ASTN2: variants seen among roughly 807,000 people sequenced by gnomAD.
ASTN2 encodes the protein astrotactin 2.
In ASTN2, 54 loss-of-function variants were observed where a neutral mutation model predicts 139.8. That is an observed-to-expected ratio of 0.39 (90% CI 0.31 to 0.48). The LOEUF (loss-of-function observed/expected upper bound fraction) is 0.48. Ranked by LOEUF, ASTN2 falls within the 20% of genes least tolerant of loss-of-function variation. The pLI is 0.95. For missense variants in ASTN2, 1,565 were observed against 1,725.1 expected, an observed-to-expected ratio of 0.91 and a Z score of 1.64; for synonymous variants, 756 against 719.5, an observed-to-expected ratio of 1.05 and a Z score of -0.81.
At chr9:116,495,761 C>T (rs1019331145) in intron 19 of ASTN2, among the ~76,000 whole-genome samples, 2 of 152,150 alleles carry the variant, frequency 1.3e-5, no homozygotes, top group Non-Finnish European at 2.9e-5. Flanking sequence ...CTGTCAGACT[C>T]CAAAACCCGA....
intron 10 of ASTN2, among the ~76,000 whole-genome samples, chr9:116,907,864 G>A (rs192678907): frequency 4.6e-5 from 7 of 152,284 alleles, no homozygotes; most frequent in African/African-American, 1.7e-4. Context: ...ATTCCCCCTA[G>A]TAAGATGCTG....
At chr9:116,494,396 C>T (rs1302248411) in intron 19 of ASTN2, among the ~76,000 whole-genome samples, 1 of 152,168 alleles carries the variant, frequency 6.6e-6, no homozygotes, top group East Asian at 1.9e-4. Context: ...CCCCTCACCC[C>T]TGCTCCCTCA....
intron 19 of ASTN2, among the ~76,000 whole-genome samples, chr9:116,595,165 C>G (rs908255079): frequency 7.9e-5 from 12 of 152,170 alleles, no homozygotes; most frequent in African/African-American, 2.9e-4. Flanking sequence ...ATTTTCAGAA[C>G]AATTTTGATG....
At chr9:117,059,901 T>C in intron 5 of ASTN2, among the ~76,000 whole-genome samples, 1 of 152,172 alleles carries the variant, frequency 6.6e-6, no homozygotes, top group Admixed American at 6.5e-5. Context: ...GCATCCTGGT[T>C]TATCTTTGGG....
chr9:117,017,479 T>C (rs1179742187), intron 6 of ASTN2, among the ~76,000 whole-genome samples: 1 of 152,170 alleles, frequency 6.6e-6, no homozygotes, highest in Admixed American at 6.5e-5. Context: ...GAAACTTTGA[T>C]AGGAGTCTAA....
At chr9:117,293,447 G>A (rs111358965) in intron 1 of ASTN2, among the ~76,000 whole-genome samples, 47 of 63,726 alleles carry the variant, frequency 7.4e-4, no homozygotes, top group Middle Eastern at 0.018. Context: ...AACATAGTAA[G>A]TTATTAGGCC....
chr9:116,938,044 C>T (rs931755563), intron 10 of ASTN2, among the ~76,000 whole-genome samples: 18 of 152,140 alleles, frequency 1.2e-4, no homozygotes, highest in African/African-American at 3.9e-4. Context: ...GAAACAAGCA[C>T]GCGAGGTTTA....
intron 1 of ASTN2, among the ~76,000 whole-genome samples, chr9:117,411,393 A>G (rs1001518565): frequency 1.4e-5 from 2 of 147,902 alleles, no homozygotes; most frequent in African/African-American, 5.0e-5. Flanking sequence ...CATTTACTTA[A>G]GGCAGGCTGA....
At chr9:117,222,270 T>C (rs763811934) in intron 2 of ASTN2, among the ~76,000 whole-genome samples, 2 of 152,188 alleles carry the variant, frequency 1.3e-5, no homozygotes, top group Non-Finnish European at 2.9e-5. Context: ...GTCTCGAACG[T>C]ATGCTTTTGA....
intron 20 of ASTN2, among the ~76,000 whole-genome samples, chr9:116,462,851 G>A (rs1036264644): frequency 2.7e-5 from 4 of 148,946 alleles, no homozygotes; most frequent in African/African-American, 9.9e-5. Context: ...TATACAATTT[G>A]CATATGGCAA....
intron 1 of ASTN2, among the ~76,000 whole-genome samples, chr9:117,314,401 C>T (rs904281766): frequency 6.6e-6 from 1 of 152,034 alleles, no homozygotes; most frequent in Non-Finnish European, 1.5e-5. Context: ...AAGTTCACTT[C>T]TCTTGTGCCA....
At chr9:117,182,760 A>G (rs1439655780) in intron 3 of ASTN2, among the ~76,000 whole-genome samples, 4 of 151,840 alleles carry the variant, frequency 2.6e-5, no homozygotes, top group African/African-American at 9.7e-5. Flanking sequence ...AAGCCACTTC[A>G]GCTTGCAGTG....
At chr9:116,475,197 T>C (rs1848939971) in intron 20 of ASTN2, among the ~76,000 whole-genome samples, 1 of 152,216 alleles carries the variant, frequency 6.6e-6, no homozygotes, top group Non-Finnish European at 1.5e-5. Flanking sequence ...GATTTCTGGC[T>C]TGGAAGATGT....
intron 10 of ASTN2, among the ~76,000 whole-genome samples, chr9:116,921,589 AAAAAAAAAAAAAAAAAAG>A (rs1324461905): frequency 6.7e-6 from 1 of 149,456 alleles, no homozygotes; most frequent in Non-Finnish European, 1.5e-5. Flanking sequence ...CTCCGTCTAA[AAAAAAAAAAAAAAAAAAG>A]AACTACCCAA....
intron 19 of ASTN2, among the ~76,000 whole-genome samples, chr9:116,507,313 T>C (rs1294732440): frequency 6.6e-6 from 1 of 152,142 alleles, no homozygotes; most frequent in Non-Finnish European, 1.5e-5. Context: ...CTGAGGACTT[T>C]AAAGACCAAT....
intron 3 of ASTN2, among the ~76,000 whole-genome samples, chr9:117,185,182 T>G (rs6478287): frequency 0.42 from 63,848 of 152,060 alleles, 13,513 homozygotes; most frequent in Non-Finnish European, 0.43. Context: ...CTAAAAGTTG[T>G]TTAAATCCTC....
At chr9:117,195,065 T>C (rs1393974604) in intron 3 of ASTN2, among the ~76,000 whole-genome samples, 1 of 152,182 alleles carries the variant, frequency 6.6e-6, no homozygotes, top group Non-Finnish European at 1.5e-5. Context: ...AGAACAAACT[T>C]GGTACTGATC....
At chr9:116,431,762 C>A (rs1847505143) in intron 22 of ASTN2, among the ~76,000 whole-genome samples, 1 of 152,126 alleles carries the variant, frequency 6.6e-6, no homozygotes. Flanking sequence ...ATTTTAGAGT[C>A]TACAGGTGAT....
intron 19 of ASTN2, among the ~76,000 whole-genome samples, chr9:116,615,839 C>T (rs1336974895): frequency 3.3e-5 from 5 of 151,684 alleles, no homozygotes; most frequent in Non-Finnish European, 5.9e-5. Context: ...AAAACCTGCA[C>T]GTTGTACACA....
Sources: allele counts gnomAD v4.1 joint callset (sites outside exome capture counted in the v4.1 genomes callset), GRCh38; gene constraint gnomAD v4.1.1; transcripts MANE v1.5; gene names NCBI Gene and HGNC (gene_info 2026-07-23, HGNC 2026-07-21).